Variants in CALHM4 observed in about 807,000 individuals in gnomAD.
CALHM4 encodes calcium homeostasis modulator family member 4, also known as calcium homeostasis modulator protein 4.
In CALHM4, 16 loss-of-function variants were observed where a neutral mutation model predicts 13.3. The observed-to-expected ratio is 1.20, with a 90% confidence interval of 0.81 to 1.82. The LOEUF (loss-of-function observed/expected upper bound fraction) is 1.82. Among genes scored for constraint, CALHM4 ranks in the 40% most tolerant of loss-of-function variants. The pLI, the probability that CALHM4 is intolerant of heterozygous loss-of-function variation, is 0.00. For synonymous variants in CALHM4, 127 were observed against 137.1 expected, an observed-to-expected ratio of 0.93 and a Z score of 0.52; for missense variants, 344 against 374.9, an observed-to-expected ratio of 0.92 and a Z score of 0.68.
At position 116,543,510 on chromosome 6, in the gene CALHM4, AT is replaced by A. The variant is rs1042683723; in HGVS notation, c.-108-249del. 321 of 899,482 alleles carry A rather than the reference AT, an allele frequency of 3.6e-4. 3 individuals are homozygous for A. The Middle Eastern group carries it at 0.025, about 70-fold the overall frequency. The allele number at this position is 899,482 out of a possible 1,614,324, so 55.7% of individuals were successfully genotyped here. A position where few individuals can be genotyped will look rare whatever the true frequency, so the allele number is the denominator to read the frequency against. On this transcript the variant is annotated intron_variant, in intron 1 of 2. Transcript: ENST00000368597. ...AAGTAGCCTTAGAAGTCACCTGTAC[AT>A]TTTTTCCTTCCTCCTATTATTGCAA... is the stretch of plus-strand genomic sequence containing the variant.
chr6:116,557,289 T>C (rs1468876640), intron 1 of CALHM4, among the ~76,000 whole-genome samples: 1 of 152,090 alleles, frequency 6.6e-6, no homozygotes, highest in East Asian at 1.9e-4. Flanking sequence ...ACTGACTTGC[T>C]TTTTAGCTGC....
upstream of CALHM4, among the ~76,000 whole-genome samples, chr6:116,550,998 C>T (rs1472859502): frequency 6.6e-6 from 1 of 152,168 alleles, no homozygotes; most frequent in East Asian, 1.9e-4. Flanking sequence ...GTCGCGGGCA[C>T]GTAGGGCTAA....
chr6:116,541,601 T>C (rs932767785), intron 1 of CALHM4, among the ~76,000 whole-genome samples: 4 of 152,224 alleles, frequency 2.6e-5, no homozygotes, highest in Non-Finnish European at 4.4e-5. Flanking sequence ...GATAGAAATA[T>C]TCAGTTTAGC....
At position 116,540,460 on chromosome 6, in the gene CALHM4, C is replaced by T. The variant is rs1376258152; in HGVS notation, c.-108-3305C>T. 3.9e-6 allele frequency: 6 copies of T among 1,551,080 alleles called. No homozygotes were observed. The South Asian group carries it at 4.8e-5, about 12-fold the overall frequency. The stretch of plus-strand genomic sequence containing the variant: ...CACAAGCCGCGTTCCAATGCCGTAA[C>T]CCCTGTGGATGACGGAAAGAGTGTG... On this transcript the variant is annotated intron_variant, in intron 1 of 2. Transcript: ENST00000368597.
At chr6:116,540,469 A>T (rs950014685) in intron 1 of CALHM4, 2 of 1,550,584 alleles carry the variant, frequency 1.3e-6, no homozygotes, top group African/African-American at 2.7e-5. Context: ...ACCCCTGTGG[A>T]TGACGGAAAG....
intron 1 of CALHM4, among the ~76,000 whole-genome samples, chr6:116,555,400 A>G (rs1286247946): frequency 6.6e-6 from 1 of 152,246 alleles, no homozygotes; most frequent in African/African-American, 2.4e-5. Context: ...AAGTCAAAAC[A>G]AAATGTGTTA....
Position 116,529,815 on chromosome 6 carries a change from C to G in CALHM4, c.-109+625C>G, listed in dbSNP as rs146458840. 3.9e-4 allele frequency among the ~76,000 whole-genome samples: 60 copies of G among 152,252 alleles called. No homozygotes were observed. In the East Asian group the frequency reaches 9.8e-3, roughly 25 times the overall value. On this transcript the variant is annotated intron_variant, in intron 1 of 2. Transcript: ENST00000368597. ...GAGATTGAATGAAAATAAACAGGTT[C>G]CAGGTCTTTTATTTTATGGCCCCCA...
upstream of CALHM4, chr6:116,553,616 CTGA>C: frequency 1.6e-6 from 1 of 620,940 alleles, no homozygotes; most frequent in Middle Eastern, 4.1e-4. Flanking sequence ...TGTAATCAAT[CTGA>C]GCTCAGGGTT....
chr6:116,532,361 C>T (rs553578809), intron 1 of CALHM4, among the ~76,000 whole-genome samples: 2 of 152,308 alleles, frequency 1.3e-5, no homozygotes, highest in Middle Eastern at 3.4e-3. Flanking sequence ...TCTTGCCTCC[C>T]TGAGAGAGGG....
chr6:116,544,151 A>AAGAGAGAGAGAGAG (rs141606346), intron 2 of CALHM4, among the ~76,000 whole-genome samples: 11,756 of 132,224 alleles, frequency 0.089, 845 homozygotes, highest in Middle Eastern at 0.15. Flanking sequence ...AAAGGTGAAG[A>AAGAGAGAGAGAGAG]AGAGAGAGAG....
At chr6:116,543,567 C>A (rs1210205783) in intron 1 of CALHM4, among the ~76,000 whole-genome samples, 1 of 152,080 alleles carries the variant, frequency 6.6e-6, no homozygotes, top group African/African-American at 2.4e-5. Context: ...AAATTATATT[C>A]ACATTTGGAT....
At chr6:116,550,270 T>C (rs1774017181), upstream of CALHM4, among the ~76,000 whole-genome samples, 1 of 152,034 alleles carries the variant, frequency 6.6e-6, no homozygotes, top group Non-Finnish European at 1.5e-5. Context: ...AGAGTGTCAC[T>C]CGTAAGCAGC....
At chr6:116,553,682 G>A (rs1774179308), upstream of CALHM4, 1 of 946,122 alleles carries the variant, frequency 1.1e-6, no homozygotes, top group Non-Finnish European at 1.6e-6. Context: ...TAAGGATGTT[G>A]GATCACTTGA....
chr6:116,551,300 T>C (rs1257722367), upstream of CALHM4, among the ~76,000 whole-genome samples: 2 of 152,228 alleles, frequency 1.3e-5, no homozygotes, highest in African/African-American at 4.8e-5. Flanking sequence ...CTCATATTCC[T>C]TTGTAATCCC....
chr6:116,545,113 A>G (rs1731250541), intron 2 of CALHM4, among the ~76,000 whole-genome samples: 1 of 150,818 alleles, frequency 6.6e-6, no homozygotes, highest in South Asian at 2.1e-4. Context: ...ACACATATAT[A>G]TATACATACA....
At chr6:116,541,637 T>C (rs1773470053) in intron 1 of CALHM4, among the ~76,000 whole-genome samples, 1 of 152,200 alleles carries the variant, frequency 6.6e-6, no homozygotes, top group African/African-American at 2.4e-5. Context: ...GAAAAATGGT[T>C]TATAATTTCA....
chr6:116,557,099 G>T (rs1045584007), intron 1 of CALHM4, among the ~76,000 whole-genome samples: 1 of 151,880 alleles, frequency 6.6e-6, no homozygotes, highest in Non-Finnish European at 1.5e-5. Flanking sequence ...CACCATGCCC[G>T]ACTAATTTTT....
At chr6:116,541,590 GGATA>G (rs1184349135) in intron 1 of CALHM4, among the ~76,000 whole-genome samples, 3 of 152,158 alleles carry the variant, frequency 2.0e-5, no homozygotes, top group Non-Finnish European at 2.9e-5. Flanking sequence ...ATTTCTGAGT[GGATA>G]GAAATATTCA....
intron 2 of CALHM4, among the ~76,000 whole-genome samples, chr6:116,547,009 G>A (rs1379937692): frequency 6.6e-6 from 1 of 152,078 alleles, no homozygotes; most frequent in Non-Finnish European, 1.5e-5. Flanking sequence ...CTGTAATCAT[G>A]GCCATTTTAC....
Sources: gnomAD v4.1 joint callset for allele counts (sites outside exome capture counted in the v4.1 genomes callset) on GRCh38, gnomAD v4.1.1 for gene constraint, MANE v1.5 for transcripts, NCBI Gene and HGNC (gene_info 2026-07-23, HGNC 2026-07-21) for gene names.